The following CHL1 variants were observed in gnomAD, a reference collection of about 807,000 sequenced individuals.
CHL1 encodes the protein neural cell adhesion molecule L1-like protein.
A neutral mutation model predicts 141.9 loss-of-function variants in CHL1; 96 were observed. The observed-to-expected ratio is 0.68, with a 90% CI of 0.57 to 0.80. The LOEUF is 0.80. Among genes scored for constraint, CHL1 ranks in the 30% least tolerant of loss-of-function variants. The probability of loss-of-function intolerance (pLI) is 0.00; values close to 1 mark genes in which losing one functional copy is unlikely to be tolerated. For synonymous variants in CHL1, 613 were observed against 502.2 expected (o/e 1.22, Z -2.95); for missense variants, 1,820 against 1,457.2 (o/e 1.25, Z -4.05).
At chr3:360,489 C>G in intron 12 of CHL1, 65 bp downstream of exon 12, 2 of 1,525,010 alleles carry the variant, frequency 1.3e-6, no homozygotes, top group Non-Finnish European at 1.8e-6. Context: ...AGGTCATGTT[C>G]AGAAGTGTAT....
chr3:328,690 A>G (rs889870893), intron 5 of CHL1, among the ~76,000 whole-genome samples: 2 of 152,148 alleles, frequency 1.3e-5, no homozygotes, highest in Non-Finnish European at 2.9e-5. Flanking sequence ...CTCTATGTAA[A>G]CATAAAGTTA....
chr3:375,221 T>C (rs1004454925), intron 15 of CHL1, among the ~76,000 whole-genome samples: 5 of 152,148 alleles, frequency 3.3e-5, no homozygotes, highest in Admixed American at 2.6e-4. Context: ...GGAGCATGGC[T>C]ATGAAACCAT....
intron 26 of CHL1, among the ~76,000 whole-genome samples, chr3:400,901 T>TTG (rs1491438965): frequency 3.9e-4 from 1 of 2,592 alleles, no homozygotes; most frequent in Non-Finnish European, 3.0e-3. Context: ...AATGACTGCC[T>TTG]TTTTTTTTTT....
chr3:208,416 G>A (rs957812072), intron 1 of CHL1, among the ~76,000 whole-genome samples: 2 of 151,490 alleles, frequency 1.3e-5, no homozygotes, highest in Non-Finnish European at 2.9e-5. Context: ...GAGACAGAAA[G>A]GAGTGTGTCA....
At chr3:363,138 A>C in intron 13 of CHL1, 79 bp from the exon 14 acceptor site, 1 of 1,203,334 alleles carries the variant, frequency 8.3e-7, no homozygotes, top group Non-Finnish European at 1.2e-6. Context: ...ATTAGCCTGA[A>C]TGACGTCACT....
chr3:312,981 T>G (rs768284014), intron 2 of CHL1, among the ~76,000 whole-genome samples: 40 of 152,206 alleles, frequency 2.6e-4, no homozygotes, highest in Non-Finnish European at 1.5e-4. Context: ...TTTGCATGCA[T>G]GAAGTTAATT....
intron 15 of CHL1, among the ~76,000 whole-genome samples, 168 bp from the exon 16 acceptor site, chr3:377,650 T>G (rs1706502864): frequency 6.6e-6 from 1 of 152,216 alleles, no homozygotes; most frequent in African/African-American, 2.4e-5. Flanking sequence ...GAATAATTCT[T>G]TATCTCCAGG....
At chr3:218,282 C>T (rs576325811) in intron 1 of CHL1, among the ~76,000 whole-genome samples, 1 of 152,256 alleles carries the variant, frequency 6.6e-6, no homozygotes, top group East Asian at 1.9e-4. Flanking sequence ...ACAGAACCTG[C>T]TTATTAATTC....
intron 12 of CHL1, among the ~76,000 whole-genome samples, chr3:360,860 C>T (rs1433711862): frequency 6.7e-5 from 10 of 148,250 alleles, no homozygotes; most frequent in South Asian, 2.2e-4. Flanking sequence ...TTTGTTCTTG[C>T]GATAGTTTAC....
At chr3:349,116 A>C (rs1258634090) in intron 9 of CHL1, among the ~76,000 whole-genome samples, 1 of 152,212 alleles carries the variant, frequency 6.6e-6, no homozygotes, top group Non-Finnish European at 1.5e-5. Flanking sequence ...GTAATAGAGG[A>C]GAGAGAAGAC....
intron 1 of CHL1, chr3:213,796 A>G (rs992550284): frequency 3.9e-5 from 6 of 152,214 alleles, no homozygotes; most frequent in African/African-American, 1.4e-4. Flanking sequence ...ATTTCTCTGA[A>G]GCAAAATAAG....
chr3:268,280 T>C (rs1695328103), intron 2 of CHL1, among the ~76,000 whole-genome samples: 1 of 152,180 alleles, frequency 6.6e-6, no homozygotes, highest in Admixed American at 6.5e-5. Context: ...ACTCCTATAA[T>C]CCCAGCACTT....
intron 1 of CHL1, among the ~76,000 whole-genome samples, chr3:221,709 T>C (rs1700856339): frequency 6.6e-6 from 1 of 152,266 alleles, no homozygotes; most frequent in South Asian, 2.1e-4. Context: ...TTATCAGTTC[T>C]GTGTGTTCTT....
chr3:260,622 G>T (rs1694633342), intron 2 of CHL1, among the ~76,000 whole-genome samples: 1 of 152,110 alleles, frequency 6.6e-6, no homozygotes. Context: ...TACCAAACAA[G>T]ACCCAGGTAG....
At chr3:204,923 C>G (rs1333946203) in intron 1 of CHL1, among the ~76,000 whole-genome samples, 1 of 151,952 alleles carries the variant, frequency 6.6e-6, no homozygotes, top group Non-Finnish European at 1.5e-5. Flanking sequence ...GGTTGTTAGC[C>G]CATTTTATAG....
In CHL1 at chr3:226,195, T is replaced by C. The variant is rs1278153965; in HGVS notation, c.-174-18418T>C. Among the ~76,000 whole-genome samples the C allele has an allele frequency of 2.0e-5, 3 of 149,946 alleles. No homozygotes were observed. The South Asian group carries it at 6.3e-4, about 31-fold the overall frequency. ...ACCACTATGCCCAGCTAATTTTTTATATTTTTAGTAGAGACGGGGTTTTAC... is the reference window on the plus strand; with the variant it reads ...ACCACTATGCCCAGCTAATTTTTTACATTTTTAGTAGAGACGGGGTTTTAC... On this transcript the variant is annotated intron_variant, in intron 1 of 27. Coordinates refer to ENST00000256509, the MANE Select transcript of CHL1 (RefSeq NM_006614.4).
chr3:347,553 GT>G (rs3836377), intron 9 of CHL1, among the ~76,000 whole-genome samples: 36,886 of 152,064 alleles, frequency 0.24, 5,240 homozygotes, highest in East Asian at 0.39. Context: ...AATTAGACTA[GT>G]TTTCAAAGAC....
intron 1 of CHL1, among the ~76,000 whole-genome samples, chr3:239,114 C>G (rs890206606): frequency 2.6e-5 from 4 of 152,026 alleles, no homozygotes; most frequent in African/African-American, 9.7e-5. Context: ...TAGGGGGAAC[C>G]CGGAGACTGA....
intron 2 of CHL1, among the ~76,000 whole-genome samples, chr3:254,144 C>G (rs1330603989): frequency 2.6e-5 from 4 of 152,132 alleles, no homozygotes; most frequent in Non-Finnish European, 4.4e-5. Context: ...TAGGGATTGC[C>G]TCAGTGGAAG....
Sources: gnomAD v4.1 joint callset for allele counts (sites outside exome capture counted in the v4.1 genomes callset) on GRCh38, gnomAD v4.1.1 for gene constraint, MANE v1.5 for transcripts, NCBI Gene and HGNC (gene_info 2026-07-23, HGNC 2026-07-21) for gene names.